RARB: variants seen among roughly 807,000 people sequenced by gnomAD.
RARB encodes retinoic acid receptor beta, also known as HBV-activated protein.
Under a neutral mutation model 51.9 loss-of-function variants are expected in RARB, and 17 were observed. The ratio of observed to expected loss-of-function variants is 0.33; its 90% CI spans 0.22 to 0.49. RARB has a LOEUF of 0.49. Among genes scored for constraint, RARB ranks in the 20% least tolerant of loss-of-function variants. The pLI, the probability that RARB is intolerant of heterozygous loss-of-function variation, is 0.99. For synonymous variants in RARB, 215 were observed against 195.4 expected (o/e 1.10, Z -0.84); for missense variants, 369 against 550.8 (o/e 0.67, Z 3.30).
At chr3:25,367,109 TAA>T (rs1364240738) in intron 5 of RARB, among the ~76,000 whole-genome samples, 1 of 152,168 alleles carries the variant, frequency 6.6e-6, no homozygotes, top group Non-Finnish European at 1.5e-5. Flanking sequence ...ACTAGAGATC[TAA>T]AAAAGATTCT....
chr3:25,581,141 T>C (rs1214874717), intron 5 of RARB, among the ~76,000 whole-genome samples: 2 of 152,228 alleles, frequency 1.3e-5, no homozygotes, highest in Non-Finnish European at 2.9e-5. Flanking sequence ...TCAAGCTTCC[T>C]GTGCGACCAC....
chr3:25,242,112 T>G (rs1225584503), intron 5 of RARB, among the ~76,000 whole-genome samples: 3 of 152,216 alleles, frequency 2.0e-5, no homozygotes, highest in Non-Finnish European at 4.4e-5. Flanking sequence ...TGTCTTCTTT[T>G]CAAAAGCATC....
At chr3:24,975,462 T>C (rs1211349785) in intron 2 of RARB, among the ~76,000 whole-genome samples, 1 of 152,160 alleles carries the variant, frequency 6.6e-6, no homozygotes, top group Non-Finnish European at 1.5e-5. Flanking sequence ...TTATCATTGT[T>C]GTTTTAATTC....
intron 4 of RARB, among the ~76,000 whole-genome samples, chr3:25,162,526 A>G (rs557655775): frequency 6.6e-6 from 1 of 152,336 alleles, no homozygotes; most frequent in Admixed American, 6.5e-5. Flanking sequence ...ATCTAATTGC[A>G]GAATATTTTC....
chr3:25,180,150 G>A (rs1182382458), intron 5 of RARB, among the ~76,000 whole-genome samples: 5 of 152,072 alleles, frequency 3.3e-5, no homozygotes, highest in Non-Finnish European at 7.4e-5. Flanking sequence ...TCATAAAGAC[G>A]GGAATGACTT....
At chr3:25,283,962 A>T (rs1436240) in intron 5 of RARB, among the ~76,000 whole-genome samples, 29,821 of 152,232 alleles carry the variant, frequency 0.2, 3,714 homozygotes, top group South Asian at 0.28. Context: ...CTCCTAACAA[A>T]TAGCATAAGG....
chr3:25,474,318 C>T (rs1695847783), intron 2 of RARB, among the ~76,000 whole-genome samples: 1 of 152,158 alleles, frequency 6.6e-6, no homozygotes, highest in African/African-American at 2.4e-5. Context: ...TCAAATTGTA[C>T]ATGAGCTATG....
At chr3:25,039,926 G>A (rs1698078992) in intron 2 of RARB, among the ~76,000 whole-genome samples, 3 of 152,188 alleles carry the variant, frequency 2.0e-5, no homozygotes, top group Admixed American at 2.0e-4. Context: ...TGTGGGTTGG[G>A]ATAGAAAGTG....
At chr3:25,083,203 A>G (rs1392552113) in intron 3 of RARB, among the ~76,000 whole-genome samples, 2 of 152,078 alleles carry the variant, frequency 1.3e-5, no homozygotes, top group African/African-American at 4.8e-5. Flanking sequence ...ATTCTGATAT[A>G]ATTTTATGGA....
intron 3 of RARB, among the ~76,000 whole-genome samples, chr3:25,125,988 C>T (rs1699853550): frequency 6.6e-6 from 1 of 152,092 alleles, no homozygotes; most frequent in Admixed American, 6.6e-5. Context: ...GTGAGGTTCC[C>T]CTGAACTCAA....
At chr3:24,924,839 C>A (rs917366087) in intron 2 of RARB, among the ~76,000 whole-genome samples, 2 of 152,072 alleles carry the variant, frequency 1.3e-5, no homozygotes, top group Non-Finnish European at 2.9e-5. Flanking sequence ...AGGTAATACC[C>A]CTTATCCTTA....
chr3:24,944,240 C>T (rs907428275), intron 2 of RARB, among the ~76,000 whole-genome samples: 2 of 152,182 alleles, frequency 1.3e-5, no homozygotes, highest in Admixed American at 6.5e-5. Flanking sequence ...CTGGCCTTCT[C>T]ATTTGTTCTC....
At chr3:25,556,623 A>G (rs1700070007) in intron 3 of RARB, among the ~76,000 whole-genome samples, 1 of 152,192 alleles carries the variant, frequency 6.6e-6, no homozygotes, top group Non-Finnish European at 1.5e-5. Flanking sequence ...GTGACCTTTA[A>G]AGTCTCTTGG....
intron 3 of RARB, among the ~76,000 whole-genome samples, chr3:25,526,132 G>A (rs990304232): frequency 1.3e-5 from 2 of 152,194 alleles, no homozygotes; most frequent in Non-Finnish European, 2.9e-5. Context: ...TGAAGCCTGA[G>A]CACAAGTATG....
At chr3:25,106,440 T>G (rs926146856) in intron 3 of RARB, among the ~76,000 whole-genome samples, 1 of 112,716 alleles carries the variant, frequency 8.9e-6, no homozygotes, top group South Asian at 2.9e-4. Context: ...CATGCCCAGC[T>G]ACTGTTTTTT....
At chr3:25,297,569 A>G (rs1360877741) in intron 5 of RARB, among the ~76,000 whole-genome samples, 1 of 152,118 alleles carries the variant, frequency 6.6e-6, no homozygotes, top group Non-Finnish European at 1.5e-5. Context: ...AACAGCTTTT[A>G]TCAAAAACCT....
intron 2 of RARB, among the ~76,000 whole-genome samples, chr3:24,944,542 G>T (rs919224770): frequency 6.6e-6 from 1 of 152,166 alleles, no homozygotes; most frequent in Non-Finnish European, 1.5e-5. Context: ...ACAAGTAGAA[G>T]TAATAGAGCT....
intron 2 of RARB, among the ~76,000 whole-genome samples, chr3:24,879,881 C>T (rs1703123457): frequency 6.6e-6 from 1 of 152,148 alleles, no homozygotes; most frequent in Non-Finnish European, 1.5e-5. Context: ...TAAGGGTGTA[C>T]ATTTTGAGAA....
chr3:25,236,823 T>C lies in RARB; in HGVS notation c.178+62248T>C, dbSNP rs1017421. ...TTTTATTAAGAGTGCTAGGAACTTT[T>C]TTGAATGTAAGTATTATTTATCTGG... is the stretch of plus-strand genomic sequence containing the variant. On this transcript the variant is annotated intron_variant, in intron 5 of 11. Coordinates refer to the RARB transcript ENST00000383772. Among the ~76,000 whole-genome samples the C allele has an allele frequency of 2.2e-3, 335 of 152,068 alleles. 1 individual carries two copies. The highest frequency in any genetic ancestry group is 6.4e-3 in the African/African-American group (265 of 41,534).
Sources: allele counts gnomAD v4.1 joint callset (sites outside exome capture counted in the v4.1 genomes callset), GRCh38; gene constraint gnomAD v4.1.1; transcripts MANE v1.5; gene names NCBI Gene and HGNC (gene_info 2026-07-23, HGNC 2026-07-21).